CAMTA1: variants seen among roughly 807,000 people sequenced by gnomAD.
The protein encoded by CAMTA1 is calmodulin-binding transcription activator 1.
CAMTA1 carries 27 observed loss-of-function variants against 170.9 expected under a neutral mutation model. That is an observed-to-expected ratio of 0.16 (90% CI 0.12 to 0.22). The LOEUF (loss-of-function observed/expected upper bound fraction) is 0.22. Ranked by LOEUF, CAMTA1 falls within the 10% of genes least tolerant of loss-of-function variation. CAMTA1 has a pLI of 1.00. For missense variants in CAMTA1, 1,619 were observed against 2,217.2 expected (o/e 0.73, Z 5.42); for synonymous variants, 833 against 891.5 (o/e 0.93, Z 1.17).
chr1:7,171,495 G>A (rs1649589647), intron 4 of CAMTA1, among the ~76,000 whole-genome samples: 1 of 152,134 alleles, frequency 6.6e-6, no homozygotes. Flanking sequence ...CACAGACCAA[G>A]TGGTCAACAA....
intron 5 of CAMTA1, among the ~76,000 whole-genome samples, chr1:7,364,958 G>A (rs1306468230): frequency 2.0e-5 from 3 of 152,270 alleles, no homozygotes; most frequent in African/African-American, 7.2e-5. Flanking sequence ...CGGTGGCCAT[G>A]GGCTTCTGTA....
chr1:7,665,715 A>C lies in CAMTA1; in HGVS notation c.2652+516A>C, dbSNP rs202047230. Among the ~76,000 whole-genome samples, 1 of 151,398 alleles carries C rather than the reference A, an allele frequency of 6.6e-6. No homozygotes were observed. Among genetic ancestry groups the C allele is most frequent in the African/African-American group, 2.4e-5 (1 of 41,236 alleles). On this transcript the variant is annotated intron_variant, in intron 9 of 22. Transcript: ENST00000303635. This position sits in a 1 kb window ranked among gnomAD's most constrained non-coding sequence, Gnocchi z 4.3. ...GGATGACAGAGTGAAACCCTGTCTC[A>C]AAAAAAAAGAGAGAAAGTCAGGGTA... is the stretch of plus-strand genomic sequence containing the variant.
intron 3 of CAMTA1, among the ~76,000 whole-genome samples, chr1:6,931,370 TG>T: frequency 1.3e-5 from 2 of 152,330 alleles, no homozygotes; most frequent in Admixed American, 6.5e-5. Flanking sequence ...CACCTGGAGA[TG>T]CCCTCATTCC....
chr1:7,663,741 G>A lies in CAMTA1; in HGVS notation c.1194G>A (p.Thr398=), dbSNP rs753549719. The A allele has an allele frequency of 1.5e-5, 25 of 1,613,828 alleles. No individual in the cohort carries two copies. The highest frequency in any genetic ancestry group is 1.1e-4 in the South Asian group (10 of 91,074). Residue 398 remains threonine (T), a synonymous_variant, in exon 9 of 23, where the codon ACG becomes ACA. Coordinates refer to ENST00000303635, the MANE Select transcript of CAMTA1 (RefSeq NM_015215.4). ...TGGGGAGCTTGTCCCAGAGCGCCACGGTGTTCATGTCAGAGGTCACCAATG... is the reference window on the plus strand; with the variant it reads ...TGGGGAGCTTGTCCCAGAGCGCCACAGTGTTCATGTCAGAGGTCACCAATG... ...SVMGSLSQSA[T]VFMSEVTNEA... is the part of the protein sequence containing the mutation.
chr1:6,896,206 T>G (rs1297999274), intron 3 of CAMTA1, among the ~76,000 whole-genome samples: 1 of 152,176 alleles, frequency 6.6e-6, no homozygotes, highest in African/African-American at 2.4e-5. Context: ...ACAGAATGCT[T>G]GTACTTAAAC....
At chr1:7,518,128 G>A (rs2094311636) in intron 6 of CAMTA1, among the ~76,000 whole-genome samples, 1 of 152,006 alleles carries the variant, frequency 6.6e-6, no homozygotes. Flanking sequence ...CCAGAGTCAG[G>A]TTATATTTAG....
At chr1:7,062,420 C>G (rs1708352305) in intron 3 of CAMTA1, among the ~76,000 whole-genome samples, 1 of 152,146 alleles carries the variant, frequency 6.6e-6, no homozygotes, top group African/African-American at 2.4e-5. Context: ...GAGGCAGGAT[C>G]AAAACACAGA....
chr1:7,315,568 G>A (rs1677369241), intron 5 of CAMTA1, among the ~76,000 whole-genome samples: 1 of 152,214 alleles, frequency 6.6e-6, no homozygotes, highest in African/African-American at 2.4e-5. Flanking sequence ...AATGCCAGAT[G>A]TGGGGATTCT....
intron 3 of CAMTA1, among the ~76,000 whole-genome samples, chr1:6,926,456 CTTTCTT>C (rs1189968896): frequency 1.6e-5 from 2 of 127,954 alleles, no homozygotes; most frequent in Non-Finnish European, 3.1e-5. Context: ...TTCTTTCTTT[CTTTCTT>C]TCTTTCTTTC....
chr1:6,807,332 GC>G (rs773725560), intron 1 of CAMTA1, among the ~76,000 whole-genome samples: 6 of 152,164 alleles, frequency 3.9e-5, no homozygotes, highest in Admixed American at 6.5e-5. Flanking sequence ...ATGCCTTGTG[GC>G]TGAGCAGGTA....
intron 22 of CAMTA1, among the ~76,000 whole-genome samples, chr1:7,760,620 A>G (rs1167126720): frequency 6.6e-6 from 1 of 152,194 alleles, no homozygotes; most frequent in African/African-American, 2.4e-5. Flanking sequence ...ATATTTTTGG[A>G]ACACAGTGGT....
At chr1:7,739,122 T>C (rs2096791902) in intron 16 of CAMTA1, among the ~76,000 whole-genome samples, 1 of 152,122 alleles carries the variant, frequency 6.6e-6, no homozygotes, top group South Asian at 2.1e-4. Context: ...TATTAAAATA[T>C]GTAGGGGAGG....
At chr1:7,657,997 T>C (rs1208568866) in intron 7 of CAMTA1, among the ~76,000 whole-genome samples, 1 of 152,146 alleles carries the variant, frequency 6.6e-6, no homozygotes, top group Admixed American at 6.5e-5. Flanking sequence ...TCGGCGGTTG[T>C]CAGAGCAGAG....
At chr1:7,211,412 G>A (rs2157499) in intron 4 of CAMTA1, among the ~76,000 whole-genome samples, 96,359 of 152,078 alleles carry the variant, frequency 0.63, 31,281 homozygotes, top group African/African-American at 0.78. Context: ...TTTCTCCATC[G>A]TCTTCAGCAG....
intron 22 of CAMTA1, among the ~76,000 whole-genome samples, chr1:7,761,403 A>G (rs1284713064): frequency 6.6e-6 from 1 of 151,836 alleles, no homozygotes; most frequent in East Asian, 1.9e-4. Context: ...GTGTAAGTGA[A>G]TTTAGAAGTA....
intron 4 of CAMTA1, among the ~76,000 whole-genome samples, chr1:7,201,663 G>A (rs1051535012): frequency 3.9e-5 from 6 of 152,030 alleles, no homozygotes; most frequent in Admixed American, 1.3e-4. Context: ...GTGTATATTT[G>A]TATATTTTCC....
At chr1:6,959,506 A>C (rs1199632008) in intron 3 of CAMTA1, among the ~76,000 whole-genome samples, 1 of 151,926 alleles carries the variant, frequency 6.6e-6, no homozygotes, top group Non-Finnish European at 1.5e-5. Context: ...GGTCCCGGGC[A>C]GGGGATGGTG....
intron 3 of CAMTA1, among the ~76,000 whole-genome samples, chr1:7,077,389 G>A (rs1019355989): frequency 1.3e-5 from 2 of 151,926 alleles, no homozygotes; most frequent in South Asian, 2.1e-4. Flanking sequence ...GTGCCTCCCC[G>A]TTGCTGCAGT....
intron 3 of CAMTA1, among the ~76,000 whole-genome samples, chr1:6,986,240 G>A (rs1695338954): frequency 6.6e-6 from 1 of 152,234 alleles, no homozygotes; most frequent in Non-Finnish European, 1.5e-5. Context: ...AGGTACTTGA[G>A]TTGCTAAGTG....
Sources: allele counts gnomAD v4.1 joint callset (sites outside exome capture counted in the v4.1 genomes callset), GRCh38; gene constraint gnomAD v4.1.1; non-coding constraint Gnocchi (gnomAD v3.1); transcripts MANE v1.5; gene names NCBI Gene and HGNC (gene_info 2026-07-23, HGNC 2026-07-21).